The following KIF13A variants were observed in gnomAD, a reference collection of about 807,000 sequenced individuals.
KIF13A encodes kinesin-like protein KIF13A.
In KIF13A, 79 loss-of-function variants were observed where a neutral mutation model predicts 212.2. The ratio of observed to expected loss-of-function variants is 0.37; its 90% CI spans 0.31 to 0.45. KIF13A has a LOEUF of 0.45. KIF13A is among the 20% of genes least tolerant of loss of function. The pLI is 1.00. For synonymous variants in KIF13A, 789 were observed against 808.6 expected (o/e 0.98, Z 0.41); for missense variants, 1,901 against 2,209.0 (o/e 0.86, Z 2.79).
At position 17,831,238 on chromosome 6, in the gene KIF13A, G is replaced by A; in HGVS notation, c.1267-3C>T. Reference sequence around the variant, plus strand: ...CTTTCAAGTTGTCGTTGTCTTTCCTGTGCACAAAAACAGACAAAAGAAGGA... The same window carrying A: ...CTTTCAAGTTGTCGTTGTCTTTCCTATGCACAAAAACAGACAAAAGAAGGA... On this transcript the variant is annotated splice_region_variant and splice_polypyrimidine_tract_variant and intron_variant, in intron 12 of 38. Transcript: ENST00000259711. 1 of 1,607,132 alleles carries A rather than the reference G, an allele frequency of 6.2e-7. No individual in the cohort carries two copies. The highest frequency in any genetic ancestry group is 1.3e-5 in the African/African-American group (1 of 74,494).
At chr6:17,821,772 A>T (rs1764475618) in intron 16 of KIF13A, 1 of 1,535,194 alleles carries the variant, frequency 6.5e-7, no homozygotes. Context: ...TGCCAATGCC[A>T]ATCAGTTAAA....
At chr6:17,935,846 C>G (rs1016414677) in intron 2 of KIF13A, among the ~76,000 whole-genome samples, 1 of 152,202 alleles carries the variant, frequency 6.6e-6, no homozygotes, top group Non-Finnish European at 1.5e-5. Context: ...TCATTTCCAA[C>G]CAGATTCTTG....
At chr6:17,833,901 A>C in intron 12 of KIF13A, 60 bp downstream of exon 12, 1 of 883,730 alleles carries the variant, frequency 1.1e-6, no homozygotes, top group East Asian at 2.7e-5. Context: ...AGCAAACTAC[A>C]CAGAAAAGAC....
At chr6:17,821,978 T>G in intron 16 of KIF13A, 2 of 1,497,300 alleles carry the variant, frequency 1.3e-6, no homozygotes. Flanking sequence ...AGAGACTGTG[T>G]GTATGCCCCA....
At chr6:17,925,155 T>G (rs150657592) in intron 2 of KIF13A, among the ~76,000 whole-genome samples, 2 of 152,308 alleles carry the variant, frequency 1.3e-5, no homozygotes, top group African/African-American at 4.8e-5. Flanking sequence ...GACAGACAAG[T>G]GCAGAAACAC....
intron 2 of KIF13A, among the ~76,000 whole-genome samples, chr6:17,906,575 A>G (rs1394301389): frequency 6.6e-6 from 1 of 151,292 alleles, no homozygotes; most frequent in Non-Finnish European, 1.5e-5. Context: ...CAGCCTCCCA[A>G]GTAGCTGGGA....
chr6:17,914,229 T>A lies in KIF13A; in HGVS notation c.147-16049A>T, dbSNP rs886287115. On this transcript the variant is annotated intron_variant, in intron 2 of 38. Coordinates refer to ENST00000259711, the MANE Select transcript of KIF13A (RefSeq NM_022113.6). This position sits in a 1 kb window ranked among gnomAD's most constrained non-coding sequence, Gnocchi z 5.9. ...ATAAGTGAAACATTTTAAATTTTTA[T>A]TGCTTTTAAACTACATTATTTATAG... Among the ~76,000 whole-genome samples the A allele has an allele frequency of 6.6e-6, 1 of 152,226 alleles. No homozygotes were observed. Among genetic ancestry groups the A allele is most frequent in the Non-Finnish European group, 1.5e-5 (1 of 68,030 alleles).
At chr6:17,810,394 C>A (rs1763329467) in intron 17 of KIF13A, among the ~76,000 whole-genome samples, 1 of 152,198 alleles carries the variant, frequency 6.6e-6, no homozygotes, top group Non-Finnish European at 1.5e-5. Context: ...CAAATCTGTA[C>A]CCTCCCACAA....
chr6:17,873,492 A>T (rs754680385), intron 3 of KIF13A, 55 bp from the exon 4 acceptor site: 202 of 1,209,484 alleles, frequency 1.7e-4, no homozygotes, highest in Non-Finnish European at 2.3e-4. Flanking sequence ...CTTATGAGTA[A>T]ATCAGACTAA....
chr6:17,836,899 T>C lies in KIF13A; in HGVS notation c.1134A>G (p.Arg378=). 6.2e-7 allele frequency: 1 copy of C among 1,613,894 alleles called. No individual in the cohort carries two copies. Among genetic ancestry groups the C allele is most frequent in the Non-Finnish European group, 8.5e-7 (1 of 1,179,824 alleles). The part of the protein sequence containing the change: ...RELREEVEKL[R]EQLSQAEAMK... ...TTACCTCTGCCTGAGAGAGCTGCTC[T>C]CTCAGTTTCTCGACTTCCTCCCGCA... The change falls in exon 11 of 39, where the codon AGA becomes AGG. Residue 378 remains arginine, a synonymous_variant. Coordinates refer to ENST00000259711, the MANE Select transcript of KIF13A (RefSeq NM_022113.6).
Position 17,855,380 on chromosome 6 carries a change from G to GAT in KIF13A, c.494+56_494+57insAT. 1 of 1,303,030 alleles carries GAT rather than the reference G, an allele frequency of 7.7e-7. No individual in the cohort carries two copies. The highest frequency in any genetic ancestry group is 1.1e-6 in the Non-Finnish European group (1 of 938,320). The allele number at this position is 1,303,030 out of a possible 1,614,324, so 80.7% of individuals were successfully genotyped here. On this transcript the variant is annotated intron_variant, in intron 6 of 38. Coordinates refer to ENST00000259711, the MANE Select transcript of KIF13A (RefSeq NM_022113.6). This position sits in a 1 kb window ranked among gnomAD's most constrained non-coding sequence, Gnocchi z 4.1. ...ATATTCACTTCCAATTTTAACTTTA[G>GAT]AATCATTTAAAATTATCTCCCCCTA...
chr6:17,929,700 G>A (rs1432833274), intron 2 of KIF13A, among the ~76,000 whole-genome samples: 2 of 151,688 alleles, frequency 1.3e-5, no homozygotes, highest in African/African-American at 2.4e-5. Context: ...GCGCCCGGCC[G>A]CACTCTCAAC....
At chr6:17,920,550 A>G (rs1774966106) in intron 2 of KIF13A, among the ~76,000 whole-genome samples, 1 of 152,220 alleles carries the variant, frequency 6.6e-6, no homozygotes, top group South Asian at 2.1e-4. Flanking sequence ...ATCAATTTAC[A>G]AAACTACCTA....
chr6:17,979,778 AAGAG>A (rs992780954), intron 2 of KIF13A, among the ~76,000 whole-genome samples: 9 of 152,010 alleles, frequency 5.9e-5, no homozygotes, highest in East Asian at 1.9e-4. Context: ...AAAAAAAAAA[AAGAG>A]AGACTAAAAA....
intron 2 of KIF13A, among the ~76,000 whole-genome samples, chr6:17,959,869 C>T (rs1308744417): frequency 6.6e-6 from 1 of 152,066 alleles, no homozygotes; most frequent in Admixed American, 6.6e-5. Flanking sequence ...CCTAAAAATA[C>T]AAAATTAGCC....
chr6:17,761,464 A>G (rs1758582385), downstream of KIF13A, among the ~76,000 whole-genome samples: 1 of 151,960 alleles, frequency 6.6e-6, no homozygotes, highest in Admixed American at 6.6e-5. Flanking sequence ...GCTCACTGCA[A>G]CTTTCACCTC....
intron 2 of KIF13A, among the ~76,000 whole-genome samples, chr6:17,981,057 A>C (rs1373717518): frequency 6.6e-6 from 1 of 151,510 alleles, no homozygotes; most frequent in African/African-American, 2.4e-5. Context: ...GCCTTTATAA[A>C]TTATATGACC....
chr6:17,794,114 G>A lies in KIF13A; in HGVS notation c.3222+135C>T, dbSNP rs1581944349. ...AACAGATTTTAAAGCTAGAAAAAAG[G>A]CAATGGATGGAAATGTGAACTGGGG... On this transcript the variant is annotated intron_variant, in intron 25 of 38. Coordinates refer to ENST00000259711, the MANE Select transcript of KIF13A (RefSeq NM_022113.6). The surrounding 1 kb of genome is among the most constrained non-coding windows in gnomAD (Gnocchi z 4.1). The A allele has an allele frequency of 1.2e-5, 7 of 608,696 alleles. No individual in the cohort carries two copies. The East Asian group carries it at 1.8e-4, about 16-fold the overall frequency. 37.7% of individuals were successfully genotyped at this position (608,696 alleles called of 1,614,324 possible). A position where few individuals can be genotyped will look rare whatever the true frequency, so the allele number is the denominator to read the frequency against.
At position 17,943,783 on chromosome 6, in the gene KIF13A, C is replaced by T. The variant is rs934963044; in HGVS notation, c.146+43271G>A. Among the ~76,000 whole-genome samples, 80 of 152,176 alleles carry T rather than the reference C, an allele frequency of 5.3e-4. 1 individual carries two copies. Among genetic ancestry groups the T allele is most frequent in the South Asian group, 2.1e-4 (1 of 4,814 alleles). On this transcript the variant is annotated intron_variant, in intron 2 of 38. Transcript: ENST00000259711. ...GGTAATTTACAACTCAACGGGGAGG[C>T]GTGGAAGTGCGTGGCATGCAACTGG...
Sources: allele counts gnomAD v4.1 joint callset (sites outside exome capture counted in the v4.1 genomes callset), GRCh38; gene constraint gnomAD v4.1.1; non-coding constraint Gnocchi (gnomAD v3.1); transcripts MANE v1.5; gene names NCBI Gene and HGNC (gene_info 2026-07-23, HGNC 2026-07-21).